The following IPO7 variants were observed in gnomAD, a reference collection of about 807,000 sequenced individuals.
The protein encoded by IPO7 is importin-7.
A neutral mutation model predicts 136.4 loss-of-function variants in IPO7; 13 were observed. The observed-to-expected ratio is 0.10, with a 90% CI of 0.06 to 0.15. IPO7 has a LOEUF of 0.15. Ranked by LOEUF, IPO7 falls within the 10% of genes least tolerant of loss-of-function variation. The pLI, the probability that IPO7 is intolerant of heterozygous loss-of-function variation, is 1.00. For missense variants in IPO7, 857 were observed against 1,240.6 expected, an observed-to-expected ratio of 0.69 and a Z score of 4.65; for synonymous variants, 403 against 404.4, an observed-to-expected ratio of 1.00 and a Z score of 0.04.
At chr11:9,417,038 T>C in intron 5 of IPO7, 21 bp from the exon 6 acceptor site, 1 of 1,147,264 alleles carries the variant, frequency 8.7e-7, no homozygotes, top group South Asian at 1.3e-5. Context: ...TTCGAAATAT[T>C]AATTCTTGAC....
chr11:9,415,724 G>A (rs528508276), intron 5 of IPO7, among the ~76,000 whole-genome samples: 20 of 152,086 alleles, frequency 1.3e-4, no homozygotes, highest in South Asian at 1.0e-3. Context: ...TGTAGTCCCC[G>A]CTACTCAGGA....
At chr11:9,385,120 C>A (rs899954187) in intron 1 of IPO7, among the ~76,000 whole-genome samples, 2 of 152,148 alleles carry the variant, frequency 1.3e-5, no homozygotes, top group African/African-American at 4.8e-5. Flanking sequence ...GCGGGCGTGA[C>A]GGGTTGGACA....
chr11:9,426,912 C>CG (rs544674079), intron 12 of IPO7, among the ~76,000 whole-genome samples: 2,279 of 151,898 alleles, frequency 0.015, 29 homozygotes, highest in Non-Finnish European at 0.019. Context: ...CCTCCCCGCC[C>CG]CCCCGCCATA....
Position 9,420,477 on chromosome 11 carries a change from T to A in IPO7, c.793T>A (p.Leu265Ile). ...LPWWKCKKWA[L>I]HILARLFERY... ...ATGGTGGAAATGCAAGAAGTGGGCC[T>A]TACATATTTTAGCAAGACTTTTTGA... The change falls in exon 7 of 25, where the codon TTA (leucine) becomes ATA (isoleucine). Residue 265 changes from leucine to isoleucine, a missense_variant. Physicochemically the swap from Leu to Ile is conservative, Grantham distance 5. Transcript: ENST00000379719. 6.2e-7 allele frequency: 1 copy of A among 1,611,852 alleles called. No homozygotes were observed. The highest frequency in any genetic ancestry group is 8.5e-7 in the Non-Finnish European group (1 of 1,178,696).
chr11:9,400,398 T>A (rs959498258), intron 1 of IPO7, among the ~76,000 whole-genome samples: 1 of 152,146 alleles, frequency 6.6e-6, no homozygotes, highest in Non-Finnish European at 1.5e-5. Context: ...TGGCATAATG[T>A]CTTATAGCAC....
chr11:9,419,542 G>A (rs181324226), intron 6 of IPO7, among the ~76,000 whole-genome samples: 129 of 69,174 alleles, frequency 1.9e-3, no homozygotes, highest in African/African-American at 6.7e-3. Context: ...GTGAGACTCT[G>A]TCTAAAAAAA....
At chr11:9,426,148 A>G (rs551324763) in intron 12 of IPO7, among the ~76,000 whole-genome samples, 10 of 152,316 alleles carry the variant, frequency 6.6e-5, no homozygotes, top group East Asian at 1.9e-4. Context: ...CCCAGAAGGA[A>G]CTCTGTATAC....
At chr11:9,393,753 TA>T (rs984458768) in intron 1 of IPO7, among the ~76,000 whole-genome samples, 1 of 152,100 alleles carries the variant, frequency 6.6e-6, no homozygotes, top group Non-Finnish European at 1.5e-5. Flanking sequence ...TGAAAATGAG[TA>T]AAAAATTTTT....
At chr11:9,415,988 A>C (rs1855037597) in intron 5 of IPO7, among the ~76,000 whole-genome samples, 1 of 152,194 alleles carries the variant, frequency 6.6e-6, no homozygotes, top group South Asian at 2.1e-4. Context: ...TCATCTGCTA[A>C]GATCATTGGT....
At chr11:9,438,338 C>T (rs529053926) in intron 22 of IPO7, 53 bp downstream of exon 22, 294 of 1,159,712 alleles carry the variant, frequency 2.5e-4, no homozygotes, top group South Asian at 1.1e-3. Flanking sequence ...GAAATATTAC[C>T]GCACTGGGCC....
chr11:9,431,627 C>A (rs770666108), intron 16 of IPO7, among the ~76,000 whole-genome samples: 49 of 151,954 alleles, frequency 3.2e-4, no homozygotes, highest in Non-Finnish European at 6.6e-4. Flanking sequence ...TTATAGTTTT[C>A]TTATTATTTA....
chr11:9,423,552 T>C (rs983324849), intron 9 of IPO7, among the ~76,000 whole-genome samples: 3 of 152,214 alleles, frequency 2.0e-5, no homozygotes, highest in Non-Finnish European at 4.4e-5. Flanking sequence ...TTTAGAATAC[T>C]TAATTGCGAC....
At chr11:9,436,973 C>T (rs1366420430) in intron 20 of IPO7, among the ~76,000 whole-genome samples, 1 of 141,596 alleles carries the variant, frequency 7.1e-6, no homozygotes, top group Non-Finnish European at 1.5e-5. Flanking sequence ...GCAACCTCTG[C>T]CTCCCAGGTG....
intron 22 of IPO7, among the ~76,000 whole-genome samples, chr11:9,439,926 G>C (rs1306836729): frequency 6.6e-6 from 1 of 152,162 alleles, no homozygotes; most frequent in Non-Finnish European, 1.5e-5. Context: ...TGGTCTTAAT[G>C]TTGACTAAAT....
At chr11:9,426,897 T>G (rs1453130613) in intron 12 of IPO7, among the ~76,000 whole-genome samples, 1 of 129,262 alleles carries the variant, frequency 7.7e-6, no homozygotes, top group African/African-American at 2.6e-5. Flanking sequence ...TAGCTGAGAT[T>G]TCCGCCTCCC....
intron 5 of IPO7, 135 bp from the exon 6 acceptor site, chr11:9,416,924 A>T (rs1455790760): frequency 1.1e-5 from 5 of 461,380 alleles, no homozygotes; most frequent in Non-Finnish European, 2.0e-5. Flanking sequence ...TAACAAGCAA[A>T]GAAGTTTGCC....
intron 2 of IPO7, among the ~76,000 whole-genome samples, chr11:9,404,431 C>CACCA (rs1312952972): frequency 6.6e-6 from 1 of 151,586 alleles, no homozygotes; most frequent in Non-Finnish European, 1.5e-5. Context: ...CGTCACTGCA[C>CACCA]ACCAGCCTGA....
Position 9,401,123 on chromosome 11 carries a change from G to A in IPO7, c.85-2167G>A, listed in dbSNP as rs574873537. 1.7e-3 allele frequency among the ~76,000 whole-genome samples: 265 copies of A among 151,988 alleles called. 1 individual carries two copies. The highest frequency in any genetic ancestry group is 3.0e-3 in the Non-Finnish European group (203 of 67,970). ...TTGAACCTGGGAGGTGGAGGTTGCC[G>A]TGAGCCAAGATTGCACCATTGCACT... On this transcript the variant is annotated intron_variant, in intron 1 of 24. Transcript: ENST00000379719.
intron 8 of IPO7, 41 bp from the exon 9 acceptor site, chr11:9,422,965 C>G (rs566932252): frequency 1.2e-5 from 16 of 1,356,244 alleles, no homozygotes; most frequent in Admixed American, 2.2e-5. Flanking sequence ...GTTGAAATTT[C>G]TATTTGAACA....
Sources: allele counts gnomAD v4.1 joint callset (sites outside exome capture counted in the v4.1 genomes callset), GRCh38; gene constraint gnomAD v4.1.1; transcripts MANE v1.5; gene names NCBI Gene and HGNC (gene_info 2026-07-23, HGNC 2026-07-21).